Variants in PARP8 observed in about 807,000 individuals in gnomAD.
PARP8 encodes the protein protein mono-ADP-ribosyltransferase PARP8.
In PARP8, 51 loss-of-function variants were observed where a neutral mutation model predicts 124.1. That is an observed-to-expected ratio of 0.41 (90% CI 0.33 to 0.52). The LOEUF is 0.52. Ranked by LOEUF, PARP8 falls within the 20% of genes least tolerant of loss-of-function variation. PARP8 has a pLI of 0.21. For missense variants in PARP8, 860 were observed against 1,018.9 expected, an observed-to-expected ratio of 0.84 and a Z score of 2.12; for synonymous variants, 391 against 361.5, an observed-to-expected ratio of 1.08 and a Z score of -0.93.
chr5:50,684,679 G>C (rs1751664299), intron 2 of PARP8, among the ~76,000 whole-genome samples: 1 of 152,092 alleles, frequency 6.6e-6, no homozygotes, highest in African/African-American at 2.4e-5. Flanking sequence ...CCAGTATCTG[G>C]AATGATTTCT....
At chr5:50,754,511 A>G (rs951749530) in intron 3 of PARP8, among the ~76,000 whole-genome samples, 7 of 151,930 alleles carry the variant, frequency 4.6e-5, no homozygotes, top group Non-Finnish European at 7.4e-5. Flanking sequence ...AAGGACATGA[A>G]CTCATCATTT....
At chr5:50,720,004 A>G (rs1755713917) in intron 2 of PARP8, among the ~76,000 whole-genome samples, 1 of 152,040 alleles carries the variant, frequency 6.6e-6, no homozygotes, top group Non-Finnish European at 1.5e-5. Context: ...CTCAGGCAAA[A>G]TTAAAAAAAA....
chr5:50,783,040 G>A (rs1176925003), intron 9 of PARP8, among the ~76,000 whole-genome samples: 1 of 152,088 alleles, frequency 6.6e-6, no homozygotes, highest in African/African-American at 2.4e-5. Flanking sequence ...TTGCTCTGTA[G>A]GAGTTAGGGC....
At position 50,739,709 on chromosome 5, in the gene PARP8, C is replaced by CAT. The variant is rs372997958; in HGVS notation, c.147-10419_147-10418dup. Among the ~76,000 whole-genome samples the CAT allele has an allele frequency of 1.9e-3, 189 of 100,998 alleles. 1 individual carries two copies. Among genetic ancestry groups the CAT allele is most frequent in the South Asian group, 4.3e-3 (12 of 2,772 alleles). The allele number at this position is 100,998 out of a possible 152,430, so 66.3% of individuals were successfully genotyped here. A position where few individuals can be genotyped will look rare whatever the true frequency, so the allele number is the denominator to read the frequency against. Reference sequence around the variant, plus strand: ...GACTTGGAAGATCAATGGGTATATACATATATATATATATATATATATATT... The same window carrying CAT: ...GACTTGGAAGATCAATGGGTATATACATATATATATATATATATATATATATT... On this transcript the variant is annotated intron_variant, in intron 2 of 25. Transcript: ENST00000281631.
intron 2 of PARP8, among the ~76,000 whole-genome samples, chr5:50,726,558 G>T (rs1011655985): frequency 2.6e-5 from 4 of 152,036 alleles, no homozygotes; most frequent in Admixed American, 6.6e-5. Context: ...AAATCCACTG[G>T]GAACAAAGCC....
intron 14 of PARP8, among the ~76,000 whole-genome samples, chr5:50,808,668 C>A (rs777133051): frequency 1.3e-5 from 2 of 152,012 alleles, no homozygotes; most frequent in Admixed American, 1.3e-4. Flanking sequence ...CGTTTGGGAA[C>A]AAAAGGAAAG....
chr5:50,705,171 G>A (rs1379155055), intron 2 of PARP8, among the ~76,000 whole-genome samples: 1 of 152,164 alleles, frequency 6.6e-6, no homozygotes, highest in East Asian at 1.9e-4. Context: ...GTCTTAGGCA[G>A]CATGGCTCAA....
chr5:50,757,139 A>G (rs1258175798), intron 3 of PARP8: 4 of 455,716 alleles, frequency 8.8e-6, no homozygotes, highest in Middle Eastern at 3.3e-4. Context: ...TACTGCCACA[A>G]TGCACATGGT....
At chr5:50,771,669 C>CGATA (rs2067200) in intron 7 of PARP8, among the ~76,000 whole-genome samples, 40,099 of 151,854 alleles carry the variant, frequency 0.26, 6,958 homozygotes, top group African/African-American at 0.5. Context: ...CTTGAATAGT[C>CGATA]GATAGAAATT....
chr5:50,793,047 T>C (rs193265805), intron 10 of PARP8, among the ~76,000 whole-genome samples: 34 of 152,288 alleles, frequency 2.2e-4, no homozygotes, highest in African/African-American at 8.2e-4. Context: ...CTGTCACTTG[T>C]ATCTATGCTA....
intron 2 of PARP8, among the ~76,000 whole-genome samples, chr5:50,688,657 A>G (rs1452170215): frequency 1.3e-5 from 2 of 152,226 alleles, no homozygotes; most frequent in Non-Finnish European, 2.9e-5. Context: ...GATAATTCTC[A>G]TCTTTATATA....
intron 3 of PARP8, among the ~76,000 whole-genome samples, chr5:50,751,816 A>C (rs1162889938): frequency 6.6e-6 from 1 of 152,114 alleles, no homozygotes; most frequent in Admixed American, 6.6e-5. Context: ...TAGTATTTTT[A>C]TGGAGCTTTC....
Position 50,798,893 on chromosome 5 carries a change from C to T in PARP8, c.1575+1660C>T, listed in dbSNP as rs1221416174. Among the ~76,000 whole-genome samples the T allele has an allele frequency of 3.3e-5, 5 of 152,210 alleles. No homozygotes were observed. The South Asian group carries it at 1.0e-3, about 32-fold the overall frequency. On this transcript the variant is annotated intron_variant, in intron 14 of 25. Coordinates refer to ENST00000281631, the MANE Select transcript of PARP8 (RefSeq NM_024615.4). ...TCTTTGGAGAAATGCCTATTTAAAT[C>T]CTTTTCATATTTTTAAATTGGGTTA... is the stretch of plus-strand genomic sequence containing the variant.
At chr5:50,754,152 C>CAT (rs764110606) in intron 3 of PARP8, among the ~76,000 whole-genome samples, 677 of 44,954 alleles carry the variant, frequency 0.015, 21 homozygotes, top group African/African-American at 0.045. Flanking sequence ...TATATATATA[C>CAT]ACACACACAC....
intron 2 of PARP8, among the ~76,000 whole-genome samples, chr5:50,676,473 A>G (rs1229430232): frequency 6.6e-6 from 1 of 152,218 alleles, no homozygotes; most frequent in African/African-American, 2.4e-5. Context: ...TTATTCATCA[A>G]AGCCCTGAAG....
intron 7 of PARP8, among the ~76,000 whole-genome samples, chr5:50,769,184 A>G (rs1761345603): frequency 6.6e-6 from 1 of 152,142 alleles, no homozygotes. Flanking sequence ...AAAAGCATAT[A>G]TGCACGTTCT....
chr5:50,753,637 C>G (rs1347044197), intron 3 of PARP8, among the ~76,000 whole-genome samples: 2 of 151,844 alleles, frequency 1.3e-5, no homozygotes, highest in Non-Finnish European at 2.9e-5. Flanking sequence ...TTCTCTGAGC[C>G]TTAGTTTCCT....
intron 2 of PARP8, among the ~76,000 whole-genome samples, chr5:50,686,646 C>G (rs1407366557): frequency 6.6e-6 from 1 of 152,260 alleles, no homozygotes; most frequent in African/African-American, 2.4e-5. Flanking sequence ...ATACTTTTGC[C>G]TGGGCATCCA....
rs1422251753 is a variant in PARP8 at position 50,841,814 on chromosome 5, A to C, written c.2463-152A>C. 3.9e-5 allele frequency: 20 copies of C among 512,558 alleles called. No individual in the cohort carries two copies. In the East Asian group the frequency reaches 7.2e-4, roughly 18 times the overall value. The allele number at this position is 512,558 out of a possible 1,614,324, so 31.8% of individuals were successfully genotyped here. On this transcript the variant is annotated intron_variant, in intron 25 of 25. Coordinates refer to ENST00000281631, the MANE Select transcript of PARP8 (RefSeq NM_024615.4). Reference sequence around the variant, plus strand: ...ATGGGCTGTTCTGTGTTTCGCAATGAGAACACATTGTTAAATACACCTGAA... The same window carrying C: ...ATGGGCTGTTCTGTGTTTCGCAATGCGAACACATTGTTAAATACACCTGAA...
Sources: allele counts gnomAD v4.1 joint callset (sites outside exome capture counted in the v4.1 genomes callset), GRCh38; gene constraint gnomAD v4.1.1; transcripts MANE v1.5; gene names NCBI Gene and HGNC (gene_info 2026-07-23, HGNC 2026-07-21).